Variants in GUCY2F observed in about 807,000 individuals in gnomAD.
The protein encoded by GUCY2F is guanylate cyclase 2F, retinal.
Under a neutral mutation model 73.1 loss-of-function variants are expected in GUCY2F, and 61 were observed. That is an observed-to-expected ratio of 0.83 (90% CI 0.68 to 1.03). The LOEUF is 1.03. Among genes scored for constraint, GUCY2F ranks in the 50% least tolerant of loss-of-function variants. The pLI, the probability that GUCY2F is intolerant of heterozygous loss-of-function variation, is 0.00. For synonymous variants in GUCY2F, 331 were observed against 307.8 expected (o/e 1.08, Z -0.79); for missense variants, 912 against 854.3 (o/e 1.07, Z -0.84).
chrX:109,442,873 G>A (rs1931906874), intron 6 of GUCY2F, among the ~76,000 whole-genome samples: 1 of 111,697 alleles, frequency 9.0e-6, no homozygotes, highest in African/African-American at 3.3e-5. Context: ...ACCTAGATCT[G>A]TATATTGAGA....
intron 2 of GUCY2F, among the ~76,000 whole-genome samples, chrX:109,472,084 C>T (rs1281387962): frequency 1.8e-5 from 2 of 110,645 alleles, no homozygotes; most frequent in African/African-American, 6.6e-5. Context: ...CTGAGAAAGG[C>T]GCTTCCTCTA....
intron 8 of GUCY2F, among the ~76,000 whole-genome samples, chrX:109,418,936 T>C (rs1931305575): frequency 9.0e-6 from 1 of 110,661 alleles, no homozygotes; most frequent in South Asian, 3.7e-4. Flanking sequence ...CATACGGATA[T>C]CAGTAAGATG....
rs758037364 is a variant in GUCY2F at position 109,448,147 on chromosome X, G to A, written c.1491C>T (p.Ile497=). ...TTCTATTGGGTCCTTTGATCAACTG[G>A]ATTTTATTTATACGACGCCTAAAAC... The part of the protein sequence containing the change: ...AYFIRRRINK[I]QLIKGPNRIL... The change falls in exon 6 of 20, where the codon ATC becomes ATT. Residue 497 remains isoleucine (I), a synonymous_variant. Transcript: ENST00000218006. 9.2e-7 allele frequency: 1 copy of A among 1,082,289 alleles called. No individual in the cohort carries two copies. Among genetic ancestry groups the A allele is most frequent in the Non-Finnish European group, 1.3e-6 (1 of 778,406 alleles). The allele number at this position is 1,082,289 out of a possible 1,213,427, so 89.2% of individuals were successfully genotyped here. A position where few individuals can be genotyped will look rare whatever the true frequency, so the allele number is the denominator to read the frequency against.
At chrX:109,423,721 AG>A (rs1800708114) in intron 8 of GUCY2F, among the ~76,000 whole-genome samples, 1 of 108,551 alleles carries the variant, frequency 9.2e-6, no homozygotes, top group Admixed American at 1.0e-4. Context: ...AAAAAAAAAA[AG>A]AAAAATTTCT....
At chrX:109,377,490 G>A (rs775654613) in intron 17 of GUCY2F, among the ~76,000 whole-genome samples, 4 of 111,794 alleles carry the variant, frequency 3.6e-5, no homozygotes, top group Non-Finnish European at 7.5e-5. Context: ...CATGTTATAG[G>A]TTCTAAACAC....
intron 8 of GUCY2F, among the ~76,000 whole-genome samples, chrX:109,424,317 C>T (rs1014654763): frequency 7.2e-5 from 8 of 111,580 alleles, no homozygotes; most frequent in African/African-American, 2.6e-4. Flanking sequence ...AAATCAGACT[C>T]AATTTTGAAA....
chrX:109,393,729 C>A (rs1047012131), intron 12 of GUCY2F, among the ~76,000 whole-genome samples: 4 of 112,047 alleles, frequency 3.6e-5, no homozygotes, highest in African/African-American at 1.3e-4. Flanking sequence ...ATTTTCAATA[C>A]GCCTTTTTGG....
chrX:109,481,619 AG>A (rs1415473821), intron 1 of GUCY2F, among the ~76,000 whole-genome samples: 2 of 111,927 alleles, frequency 1.8e-5, no homozygotes, highest in African/African-American at 6.5e-5. Flanking sequence ...CAATAAAAAA[AG>A]AATCATGAGA....
intron 8 of GUCY2F, among the ~76,000 whole-genome samples, chrX:109,421,737 TTA>T (rs1931376723): frequency 9.0e-6 from 1 of 111,453 alleles, no homozygotes; most frequent in Non-Finnish European, 1.9e-5. Context: ...ATGGTAAATT[TTA>T]TGTTATGTGA....
chrX:109,439,217 C>T (rs1197587476), intron 7 of GUCY2F, among the ~76,000 whole-genome samples: 1 of 111,900 alleles, frequency 8.9e-6, no homozygotes, highest in Non-Finnish European at 1.9e-5. Context: ...CCCCAGGCAA[C>T]AAGCCCTGGG....
intron 3 of GUCY2F, among the ~76,000 whole-genome samples, chrX:109,457,082 C>T (rs1242938162): frequency 9.0e-6 from 1 of 111,536 alleles, no homozygotes; most frequent in African/African-American, 3.3e-5. Flanking sequence ...ATGATTAAGC[C>T]CATTGTTTTT....
At chrX:109,393,464 A>G (rs1198884314) in intron 12 of GUCY2F, among the ~76,000 whole-genome samples, 4 of 111,215 alleles carry the variant, frequency 3.6e-5, no homozygotes, top group African/African-American at 1.3e-4. Context: ...ACTCTTCTGG[A>G]TCATCAGTTT....
rs1020111907 is a variant in GUCY2F, at chrX:109,395,378, G to T, written c.2387C>A (p.Ala796Glu). 2.5e-6 allele frequency: 3 copies of T among 1,205,276 alleles called. No individual in the cohort carries two copies. The highest frequency in any genetic ancestry group is 3.0e-5 in the East Asian group (1 of 33,751). ...QLMKQCWAEA[A>E]EQRPTFDEIF... is the part of the protein sequence containing the mutation. ...TTCATCAAAAGTTGGTCGTTGTTCT[G>T]CAGCCTCAGCCCAGCACTGCTTCAT... The change falls in exon 12 of 20, where the codon GCA becomes GAA. Residue 796 changes from alanine to glutamate, a missense_variant. Ala to Glu is a moderately radical substitution (Grantham distance 107). Transcript: ENST00000218006.
chrX:109,391,781 T>G, intron 14 of GUCY2F, 130 bp downstream of exon 14: 1 of 373,598 alleles, frequency 2.7e-6, no homozygotes, highest in Non-Finnish European at 4.6e-6. Flanking sequence ...ATGGAAGGGG[T>G]GTACTATTTA....
intron 3 of GUCY2F, among the ~76,000 whole-genome samples, chrX:109,464,058 C>A (rs958953920): frequency 3.6e-5 from 4 of 112,603 alleles, no homozygotes; most frequent in Admixed American, 9.4e-5. Flanking sequence ...AGTATTCTAG[C>A]AAATGCCAGA....
intron 19 of GUCY2F, 46 bp from the exon 20 acceptor site, chrX:109,373,045 A>C (rs1329865768): frequency 8.9e-6 from 1 of 112,693 alleles, no homozygotes; most frequent in Non-Finnish European, 1.9e-5. Flanking sequence ...TATATATCCT[A>C]GGCCTTTCAC....
At chrX:109,425,335 TTGTGTGTGTGTGTGTG>T (rs755304809) in intron 8 of GUCY2F, among the ~76,000 whole-genome samples, 1 of 98,205 alleles carries the variant, frequency 1.0e-5, no homozygotes, top group Non-Finnish European at 2.1e-5. Flanking sequence ...AAAGAAATTG[TTGTGTGTGTGTGTGTG>T]TGTGTGTGTG....
In GUCY2F at chrX:109,388,627, C is replaced by T; in HGVS notation, c.2818G>A (p.Gly940Ser). The change falls in exon 15 of 20, where the codon GGC becomes AGC. Residue 940 changes from glycine to serine, a missense_variant. Transcript: ENST00000218006. ...CTACTGCCATTCCTCTTTGGGAGGC[C>T]TGAAGCCACCATGTAGGCATCTCCA... ...TIGDAYMVAS[G>S]LPKRNGSRHA... The T allele has an allele frequency of 8.3e-7, 1 of 1,198,975 alleles. No individual in the cohort carries two copies. The highest frequency in any genetic ancestry group is 1.1e-6 in the Non-Finnish European group (1 of 884,413).
chrX:109,407,416 T>C (rs917479106), intron 9 of GUCY2F, among the ~76,000 whole-genome samples: 2 of 112,907 alleles, frequency 1.8e-5, no homozygotes, highest in Non-Finnish European at 3.8e-5. Context: ...AGCATAACAG[T>C]TTAGAAAATT....
Sources: allele counts gnomAD v4.1 joint callset (sites outside exome capture counted in the v4.1 genomes callset), GRCh38; gene constraint gnomAD v4.1.1; transcripts MANE v1.5; gene names NCBI Gene and HGNC (gene_info 2026-07-23, HGNC 2026-07-21).